Variants in OR3A2 observed in about 807,000 individuals in gnomAD.
The protein encoded by OR3A2 is olfactory receptor 3A2.
For synonymous variants in OR3A2, 126 were observed against 159.3 expected, an observed-to-expected ratio of 0.79 and a Z score of 1.57; for missense variants, 318 against 392.8, an observed-to-expected ratio of 0.81 and a Z score of 1.61.
At chr17:3,347,239 CTTT>C (rs56912829) in intron 2 of OR3A2, among the ~76,000 whole-genome samples, 167 of 150,714 alleles carry the variant, frequency 1.1e-3, no homozygotes, top group African/African-American at 2.5e-3. Context: ...TGTATGTCTT[CTTT>C]TTTTTTTTAT....
chr17:3,286,437 G>A (rs2048814328), upstream of OR3A2, among the ~76,000 whole-genome samples: 1 of 152,130 alleles, frequency 6.6e-6, no homozygotes, highest in East Asian at 1.9e-4. Context: ...ACTCAGTAAG[G>A]GGATTGGTGG....
chr17:3,344,237 T>TA (rs2049344757), intron 2 of OR3A2, among the ~76,000 whole-genome samples: 1 of 152,182 alleles, frequency 6.6e-6, no homozygotes, highest in Non-Finnish European at 1.5e-5. Context: ...ACTTGTGAGC[T>TA]AAAAAGCCTG....
chr17:3,364,871 G>T (rs912974929), intron 2 of OR3A2, among the ~76,000 whole-genome samples: 13 of 151,690 alleles, frequency 8.6e-5, no homozygotes, highest in Non-Finnish European at 1.6e-4. Flanking sequence ...AATTATATGT[G>T]CATTTTAAAT....
At chr17:3,278,070 A>C (rs753531288) in exon 2 of OR3A2, 1 of 1,614,212 alleles carries the variant, frequency 6.2e-7, no homozygotes, top group South Asian at 1.1e-5. Context: ...AGGGTTGATA[A>C]CAGTGTTGAA....
At position 3,311,399 on chromosome 17, in the gene OR3A2, G is replaced by C. The variant is rs376499655; in HGVS notation, c.-85+24634C>G. 1 of 506,478 alleles carries C rather than the reference G, an allele frequency of 2.0e-6. No individual in the cohort carries two copies. The highest frequency in any genetic ancestry group is 4.1e-6 in the Non-Finnish European group (1 of 243,466). The allele number at this position is 506,478 out of a possible 1,614,324, so 31.4% of individuals were successfully genotyped here. A position where few individuals can be genotyped will look rare whatever the true frequency, so the allele number is the denominator to read the frequency against. Reference sequence around the variant, plus strand: ...TGTCAGCTTCTCACCAACAGCACTCGCATGAGCTGTGAAGTCCAGGGTGCC... The same window carrying C: ...TGTCAGCTTCTCACCAACAGCACTCCCATGAGCTGTGAAGTCCAGGGTGCC... On this transcript the variant is annotated intron_variant, in intron 3 of 4. Coordinates refer to the OR3A2 transcript ENST00000573491. This position sits in a 1 kb window ranked among gnomAD's most constrained non-coding sequence, Gnocchi z 4.6.
chr17:3,319,068 T>C (rs1211601580), intron 3 of OR3A2, among the ~76,000 whole-genome samples: 1 of 152,200 alleles, frequency 6.6e-6, no homozygotes, highest in African/African-American at 2.4e-5. Flanking sequence ...CACCAAATCA[T>C]GGTGTACACT....
chr17:3,359,850 T>C (rs573211036), intron 2 of OR3A2, among the ~76,000 whole-genome samples: 32 of 151,916 alleles, frequency 2.1e-4, no homozygotes, highest in Non-Finnish European at 3.4e-4. Context: ...TTCAAAGTCT[T>C]TGCTATTGTG....
chr17:3,310,999 G>A (rs751891481), intron 3 of OR3A2: 6 of 550,454 alleles, frequency 1.1e-5, no homozygotes, highest in Admixed American at 1.9e-5. Flanking sequence ...GCAGTCCTGC[G>A]AATCCGCTCT....
At chr17:3,326,805 T>A (rs1205962428) in intron 3 of OR3A2, among the ~76,000 whole-genome samples, 1 of 142,618 alleles carries the variant, frequency 7.0e-6, no homozygotes, top group Non-Finnish European at 1.5e-5. Flanking sequence ...TATGCAGTGT[T>A]TGGTTTTTTG....
intron 2 of OR3A2, among the ~76,000 whole-genome samples, chr17:3,368,792 T>A (rs763236368): frequency 2.6e-5 from 4 of 152,162 alleles, no homozygotes; most frequent in Non-Finnish European, 4.4e-5. Context: ...GGTACTTTGG[T>A]GAGCATTGCA....
intron 2 of OR3A2, among the ~76,000 whole-genome samples, chr17:3,362,369 C>T (rs548164682): frequency 6.6e-6 from 1 of 151,772 alleles, no homozygotes; most frequent in African/African-American, 2.4e-5. Context: ...AAAAAACCAG[C>T]TCCTGGATTC....
intron 3 of OR3A2, among the ~76,000 whole-genome samples, chr17:3,315,726 T>A (rs897974735): frequency 7.0e-6 from 1 of 143,350 alleles, no homozygotes; most frequent in African/African-American, 2.5e-5. Context: ...AAATAAAACT[T>A]TTAAAGTGCT....
intron 2 of OR3A2, among the ~76,000 whole-genome samples, chr17:3,381,576 A>T (rs376231708): frequency 6.6e-6 from 1 of 152,172 alleles, no homozygotes; most frequent in Non-Finnish European, 1.5e-5. Context: ...AAGGAAACTG[A>T]CATTTATGAA....
Position 3,311,752 on chromosome 17 carries a change from G to T in OR3A2, c.-85+24281C>A. On this transcript the variant is annotated intron_variant, in intron 3 of 4. Coordinates refer to the OR3A2 transcript ENST00000573491. The surrounding 1 kb of genome is among the most constrained non-coding windows in gnomAD (Gnocchi z 4.6). ...CCTCACTGTGGTCTGAATCTTTTAT[G>T]GAACTGGCTTCTTCAGTTACATGTG... The T allele has an allele frequency of 4.0e-6, 1 of 250,650 alleles. No homozygotes were observed. Among genetic ancestry groups the T allele is most frequent in the Non-Finnish European group, 8.1e-6 (1 of 123,448 alleles). The allele number at this position is 250,650 out of a possible 1,614,324, so 15.5% of individuals were successfully genotyped here.
chr17:3,330,115 G>A (rs538731469), intron 3 of OR3A2, among the ~76,000 whole-genome samples: 1 of 147,692 alleles, frequency 6.8e-6, no homozygotes, highest in Admixed American at 6.7e-5. Context: ...ATTTGCTGAG[G>A]AGAGCTTTAC....
At chr17:3,385,195 A>AAAATAAAT (rs770779070) in intron 1 of OR3A2, among the ~76,000 whole-genome samples, 1 of 152,176 alleles carries the variant, frequency 6.6e-6, no homozygotes. Context: ...ACTCCGTCTC[A>AAAATAAAT]AAATAAATAA....
intron 2 of OR3A2, among the ~76,000 whole-genome samples, chr17:3,353,687 T>C (rs781511649): frequency 5.3e-5 from 8 of 151,856 alleles, no homozygotes; most frequent in Non-Finnish European, 1.0e-4. Flanking sequence ...TTTAAATTTC[T>C]TGTGGGTACA....
chr17:3,380,880 G>A (rs1043588079), intron 2 of OR3A2, among the ~76,000 whole-genome samples: 3 of 152,162 alleles, frequency 2.0e-5, no homozygotes, highest in Non-Finnish European at 2.9e-5. Context: ...AAGAGAGAGC[G>A]AGAGGAAGGA....
At chr17:3,338,344 C>A (rs2049288721) in intron 2 of OR3A2, among the ~76,000 whole-genome samples, 2 of 152,106 alleles carry the variant, frequency 1.3e-5, no homozygotes, top group South Asian at 2.1e-4. Context: ...GAAGTCCTTG[C>A]CCATGCCTAT....
Sources: gnomAD v4.1 joint callset for allele counts (sites outside exome capture counted in the v4.1 genomes callset) on GRCh38, gnomAD v4.1.1 for gene constraint, Gnocchi (gnomAD v3.1) non-coding constraint, MANE v1.5 for transcripts, NCBI Gene and HGNC (gene_info 2026-07-23, HGNC 2026-07-21) for gene names.